Variants in MGAT4C observed in about 807,000 individuals in gnomAD.
MGAT4C encodes the protein alpha-1,3-mannosyl-glycoprotein 4-beta-N-acetylglucosaminyltransferase C.
A neutral mutation model predicts 40.1 loss-of-function variants in MGAT4C; 19 were observed. The observed-to-expected ratio is 0.47, with a 90% CI of 0.33 to 0.70. MGAT4C has a LOEUF of 0.70. Among genes scored for constraint, MGAT4C ranks in the 30% least tolerant of loss-of-function variants. MGAT4C has a pLI of 0.02. For synonymous variants in MGAT4C, 181 were observed against 187.1 expected, an observed-to-expected ratio of 0.97 and a Z score of 0.27; for missense variants, 491 against 563.2, an observed-to-expected ratio of 0.87 and a Z score of 1.30.
chr12:86,488,578 C>T lies in MGAT4C; in HGVS notation c.-228-53313G>A, dbSNP rs1168720311. On this transcript the variant is annotated intron_variant, in intron 2 of 7. Coordinates refer to the MGAT4C transcript ENST00000548651. ...TTTATTCTGTCCTTTATATATTTCA[C>T]TTCCAATAAATGGCTTGAAGAGTTT... is the stretch of plus-strand genomic sequence containing the variant. Among the ~76,000 whole-genome samples the T allele has an allele frequency of 8.5e-5, 13 of 152,244 alleles. No individual in the cohort carries two copies. The East Asian group carries it at 2.3e-3, about 27-fold the overall frequency.
intron 4 of MGAT4C, among the ~76,000 whole-genome samples, chr12:86,326,295 A>ATC (rs1444662123): frequency 8.6e-5 from 11 of 127,944 alleles, no homozygotes; most frequent in Admixed American, 5.4e-4. Flanking sequence ...CAGTATTCTC[A>ATC]TCACACACAC....
At chr12:86,835,015 C>A (rs1176210792) in intron 1 of MGAT4C, among the ~76,000 whole-genome samples, 1 of 151,804 alleles carries the variant, frequency 6.6e-6, no homozygotes, top group Non-Finnish European at 1.5e-5. Flanking sequence ...TCTGCCTTTA[C>A]TTTTTGTGTT....
At chr12:86,590,899 C>T (rs1308594595) in intron 2 of MGAT4C, among the ~76,000 whole-genome samples, 1 of 151,860 alleles carries the variant, frequency 6.6e-6, no homozygotes, top group Admixed American at 6.6e-5. Context: ...TGATTTATTC[C>T]TGAAATGCAT....
chr12:86,168,353 C>T (rs527919610), intron 1 of MGAT4C, among the ~76,000 whole-genome samples: 62 of 152,200 alleles, frequency 4.1e-4, no homozygotes, highest in Admixed American at 1.6e-3. Flanking sequence ...AAGACATGTG[C>T]CTTCCAATAT....
chr12:86,669,213 G>A (rs1018517387), intron 2 of MGAT4C, among the ~76,000 whole-genome samples: 1 of 151,946 alleles, frequency 6.6e-6, no homozygotes, highest in African/African-American at 2.4e-5. Flanking sequence ...AGTGCAACAG[G>A]GCCTTCTCTG....
chr12:86,168,873 C>T (rs562228229), intron 1 of MGAT4C, among the ~76,000 whole-genome samples: 15 of 152,130 alleles, frequency 9.9e-5, no homozygotes, highest in African/African-American at 2.9e-4. Context: ...GTCCAGGTCC[C>T]GTACCATTAC....
At chr12:86,394,161 T>A (rs925961010) in intron 3 of MGAT4C, among the ~76,000 whole-genome samples, 1 of 152,162 alleles carries the variant, frequency 6.6e-6, no homozygotes, top group African/African-American at 2.4e-5. Flanking sequence ...AGGGAAGGAT[T>A]ACTGAATCAA....
Position 86,226,167 on chromosome 12 carries a change from C to T in MGAT4C, c.-57+30072G>A, listed in dbSNP as rs191988675. Among the ~76,000 whole-genome samples, 86 of 151,016 alleles carry T rather than the reference C, an allele frequency of 5.7e-4. 1 individual carries two copies. Among genetic ancestry groups the T allele is most frequent in the East Asian group, 1.6e-3 (8 of 5,158 alleles). On this transcript the variant is annotated intron_variant, in intron 1 of 4. Transcript: ENST00000611864. ...CTGATATAAAGAAAAGAAGTATATGCGCTATAATATAATAAGTGATAGGAC... is the reference window on the plus strand; with the variant it reads ...CTGATATAAAGAAAAGAAGTATATGTGCTATAATATAATAAGTGATAGGAC...
rs1565980916 is a variant in MGAT4C at position 86,773,942 on chromosome 12, C to CTTTTTTTTTTTTTTTTTTTTTTTTT, written c.-261-46702_-261-46701insAAAAAAAAAAAAAAAAAAAAAAAAA. Among the ~76,000 whole-genome samples, 2 of 106,520 alleles carry CTTTTTTTTTTTTTTTTTTTTTTTTT rather than the reference C, an allele frequency of 1.9e-5. 1 individual carries two copies. 69.9% of individuals were successfully genotyped at this position (106,520 alleles called of 152,430 possible). A position where few individuals can be genotyped will look rare whatever the true frequency, so the allele number is the denominator to read the frequency against. Reference sequence around the variant, plus strand: ...ACAGGTTCACATTTTTTTAAAGTAACTTCTTTTTTTTTTTTTTTTTTTTTT... The same window carrying CTTTTTTTTTTTTTTTTTTTTTTTTT: ...ACAGGTTCACATTTTTTTAAAGTAACTTTTTTTTTTTTTTTTTTTTTTTTTTTCTTTTTTTTTTTTTTTTTTTTTT... On this transcript the variant is annotated intron_variant, in intron 1 of 7. Transcript: ENST00000548651.
rs1216720073 is a variant in MGAT4C at position 85,969,487 on chromosome 12, T to C, written c.*9802A>G. 2.0e-5 allele frequency: 3 copies of C among 151,676 alleles called. No homozygotes were observed. Among genetic ancestry groups the C allele is most frequent in the Non-Finnish European group, 4.4e-5 (3 of 67,666 alleles). The allele number at this position is 151,676 out of a possible 1,614,324, so 9.4% of individuals were successfully genotyped here. A position where few individuals can be genotyped will look rare whatever the true frequency, so the allele number is the denominator to read the frequency against. The stretch of plus-strand genomic sequence containing the variant: ...AGTGTACCCAGAGCCCATGAGTTTT[T>C]ATTTTCTTTTTGGAATAACAGAAAT... On this transcript the variant is annotated 3_prime_UTR_variant, in exon 5 of 5. Coordinates refer to ENST00000611864, the MANE Select transcript of MGAT4C (RefSeq NM_001351288.2).
At chr12:86,320,581 A>G (rs1027635169) in intron 4 of MGAT4C, among the ~76,000 whole-genome samples, 2 of 152,172 alleles carry the variant, frequency 1.3e-5, no homozygotes, top group Admixed American at 6.6e-5. Context: ...TAGATGTACT[A>G]TAGAAAATCA....
rs1039006143 is a variant in MGAT4C, at chr12:86,156,345, G to A, written c.-57+99894C>T. ...ATTACATTTTATTTTTCTTTGAGGC[G>A]GAGTTCTGCTCTTGTTGTCCAGGCT... On this transcript the variant is annotated intron_variant, in intron 1 of 4. Transcript: ENST00000611864. Among the ~76,000 whole-genome samples the A allele has an allele frequency of 9.2e-5, 14 of 152,136 alleles. No individual in the cohort carries two copies. The East Asian group carries it at 2.3e-3, about 25-fold the overall frequency.
At chr12:86,279,855 C>G (rs1953170076) in intron 4 of MGAT4C, among the ~76,000 whole-genome samples, 2 of 151,888 alleles carry the variant, frequency 1.3e-5, no homozygotes, top group African/African-American at 4.8e-5. Flanking sequence ...TCATTTGTTT[C>G]AAGAAATTTT....
At chr12:86,526,635 G>C (rs1295548147) in intron 2 of MGAT4C, among the ~76,000 whole-genome samples, 1 of 152,136 alleles carries the variant, frequency 6.6e-6, no homozygotes, top group Non-Finnish European at 1.5e-5. Context: ...CAGGCTAACT[G>C]ACCTCACCTA....
At chr12:86,090,274 T>C (rs1209736359) in intron 1 of MGAT4C, among the ~76,000 whole-genome samples, 1 of 151,678 alleles carries the variant, frequency 6.6e-6, no homozygotes, top group Non-Finnish European at 1.5e-5. Flanking sequence ...ATTCATAAAG[T>C]TTATGCATAT....
intron 2 of MGAT4C, among the ~76,000 whole-genome samples, chr12:86,029,360 T>C (rs1453950283): frequency 6.6e-6 from 1 of 151,936 alleles, no homozygotes; most frequent in Non-Finnish European, 1.5e-5. Flanking sequence ...GAAAGGTTGC[T>C]GATAAAATAC....
intron 2 of MGAT4C, chr12:86,016,578 C>T (rs564274293): frequency 6.6e-6 from 1 of 152,302 alleles, no homozygotes; most frequent in Non-Finnish European, 1.5e-5. Flanking sequence ...GGTAGCAGTC[C>T]TGTATTCAAG....
intron 2 of MGAT4C, chr12:86,002,299 T>A (rs1003381093): frequency 3.3e-5 from 5 of 152,146 alleles, no homozygotes; most frequent in African/African-American, 1.2e-4. Context: ...TCCAGATAGG[T>A]GCTTGATGTT....
chr12:86,531,718 A>G (rs1474190112), intron 2 of MGAT4C, among the ~76,000 whole-genome samples: 1 of 151,930 alleles, frequency 6.6e-6, no homozygotes, highest in Non-Finnish European at 1.5e-5. Context: ...TCATGTTTGC[A>G]GATTTTTTGT....
Sources: gnomAD v4.1 joint callset for allele counts (sites outside exome capture counted in the v4.1 genomes callset) on GRCh38, gnomAD v4.1.1 for gene constraint, MANE v1.5 for transcripts, NCBI Gene and HGNC (gene_info 2026-07-23, HGNC 2026-07-21) for gene names.